The following DIP2C variants were observed in gnomAD, a reference collection of about 807,000 sequenced individuals.
DIP2C encodes the protein DIP2 acetate--CoA ligase C (putative).
In DIP2C, 33 loss-of-function variants were observed where a neutral mutation model predicts 192.4. The observed-to-expected ratio is 0.17, with a 90% CI of 0.13 to 0.23. The LOEUF is 0.23. Among genes scored for constraint, DIP2C ranks in the 10% least tolerant of loss-of-function variants. The pLI is 1.00. For synonymous variants in DIP2C, 979 were observed against 864.1 expected (o/e 1.13, Z -2.33); for missense variants, 1,537 against 2,110.1 (o/e 0.73, Z 5.32).
chr10:536,312 C>A (rs563094211), intron 1 of DIP2C, among the ~76,000 whole-genome samples: 1 of 152,380 alleles, frequency 6.6e-6, no homozygotes, highest in East Asian at 1.9e-4. Flanking sequence ...CACCCTATAT[C>A]CAGGATATCT....
intron 1 of DIP2C, among the ~76,000 whole-genome samples, chr10:653,164 G>T (rs1049208539): frequency 1.3e-5 from 2 of 152,094 alleles, no homozygotes; most frequent in African/African-American, 4.8e-5. Flanking sequence ...AAATGGTCAT[G>T]GCAGCCAGGC....
chr10:321,099 C>G (rs180988551), intron 31 of DIP2C, among the ~76,000 whole-genome samples: 3 of 152,160 alleles, frequency 2.0e-5, no homozygotes, highest in African/African-American at 7.2e-5. Context: ...GGTGGGAGGA[C>G]CAGAGTGCCA....
At chr10:451,287 CT>C (rs1224880727) in intron 3 of DIP2C, among the ~76,000 whole-genome samples, 6 of 141,140 alleles carry the variant, frequency 4.3e-5, no homozygotes, top group Non-Finnish European at 8.8e-5. Context: ...AAACCACCAC[CT>C]CAAACCTCAA....
chr10:382,442 C>T lies in DIP2C; in HGVS notation c.1991+205G>A, dbSNP rs530266345. ...GGAATTACCGTGAAACTGCAGAGAG[C>T]GATAAATGTTTTTTAATGAATGAAT... is the stretch of plus-strand genomic sequence containing the variant. On this transcript the variant is annotated intron_variant, in intron 17 of 36. Coordinates refer to ENST00000280886, the MANE Select transcript of DIP2C (RefSeq NM_014974.3). 2.7e-3 allele frequency: 1,380 copies of T among 503,928 alleles called. 10 individuals carry two copies. The highest frequency in any genetic ancestry group is 6.2e-3 in the South Asian group (219 of 35,330). The allele number at this position is 503,928 out of a possible 1,614,324, so 31.2% of individuals were successfully genotyped here.
At position 517,811 on chromosome 10, in the gene DIP2C, CAG is replaced by C. The variant is rs1266513776; in HGVS notation, c.86-31283_86-31282del. 2.0e-5 allele frequency among the ~76,000 whole-genome samples: 3 copies of C among 150,936 alleles called. No homozygotes were observed. The East Asian group carries it at 5.8e-4, about 29-fold the overall frequency. ...TATAAAAGGTCTCTTTATTAACAAC[CAG>C]TAGCCTTTCTCATCTGGTGCTTTTT... On this transcript the variant is annotated intron_variant, in intron 1 of 36. Transcript: ENST00000280886.
At chr10:504,245 G>A (rs956972125) in intron 1 of DIP2C, among the ~76,000 whole-genome samples, 2 of 152,300 alleles carry the variant, frequency 1.3e-5, no homozygotes, top group East Asian at 1.9e-4. Flanking sequence ...CAGTTCCAAC[G>A]CCCTGTGGAG....
At position 651,201 on chromosome 10, in the gene DIP2C, C is replaced by A; in HGVS notation, c.85+38293G>T. ...GACCACCGTCCTCCACGCATATCTA[C>A]AGACCCTGTCCTCACCTGCATCACA... is the stretch of plus-strand genomic sequence containing the variant. On this transcript the variant is annotated intron_variant, in intron 1 of 36. Coordinates refer to ENST00000280886, the MANE Select transcript of DIP2C (RefSeq NM_014974.3). The surrounding 1 kb of genome is among the most constrained non-coding windows in gnomAD (Gnocchi z 4.1). 1.4e-6 allele frequency: 1 copy of A among 717,412 alleles called. No individual in the cohort carries two copies. The highest frequency in any genetic ancestry group is 2.6e-6 in the Non-Finnish European group (1 of 385,122). 44.4% of individuals were successfully genotyped at this position (717,412 alleles called of 1,614,324 possible). A position where few individuals can be genotyped will look rare whatever the true frequency, so the allele number is the denominator to read the frequency against.
At chr10:505,464 C>G (rs113739482) in intron 1 of DIP2C, among the ~76,000 whole-genome samples, 5 of 152,212 alleles carry the variant, frequency 3.3e-5, no homozygotes, top group East Asian at 1.9e-4. Flanking sequence ...CTGAGGCTCT[C>G]GACTGATCCC....
chr10:660,248 C>T (rs999593592), intron 1 of DIP2C, among the ~76,000 whole-genome samples: 2 of 151,288 alleles, frequency 1.3e-5, no homozygotes, highest in African/African-American at 4.9e-5. Flanking sequence ...GTGTATGAAA[C>T]GGAGATTCTA....
chr10:487,441 G>C (rs527291944), intron 1 of DIP2C, among the ~76,000 whole-genome samples: 12 of 151,934 alleles, frequency 7.9e-5, no homozygotes, highest in Admixed American at 7.9e-4. Flanking sequence ...CTGCCTCCAC[G>C]GCTGCCTCCA....
At chr10:374,654 C>T in intron 17 of DIP2C, among the ~76,000 whole-genome samples, 1 of 152,216 alleles carries the variant, frequency 6.6e-6, no homozygotes, top group East Asian at 1.9e-4. Flanking sequence ...AAATGCTTCC[C>T]AATTTGTTCA....
intron 1 of DIP2C, among the ~76,000 whole-genome samples, chr10:645,880 C>T (rs1376433611): frequency 2.0e-5 from 3 of 152,190 alleles, no homozygotes; most frequent in African/African-American, 7.2e-5. Context: ...GACATAAACC[C>T]TGTCTCCCCC....
chr10:520,816 T>C (rs1846656063), intron 1 of DIP2C, among the ~76,000 whole-genome samples: 1 of 152,250 alleles, frequency 6.6e-6, no homozygotes, highest in Non-Finnish European at 1.5e-5. Context: ...ACACTAATTC[T>C]ACTTCCATGG....
At chr10:664,779 A>G (rs566061406) in intron 1 of DIP2C, 20 of 152,330 alleles carry the variant, frequency 1.3e-4, no homozygotes, top group Admixed American at 1.3e-3. Flanking sequence ...AACCAAATAT[A>G]TATCTACAAA....
At chr10:587,005 A>C (rs1851085215) in intron 1 of DIP2C, among the ~76,000 whole-genome samples, 1 of 141,132 alleles carries the variant, frequency 7.1e-6, no homozygotes, top group South Asian at 2.2e-4. Context: ...GCGAGGTGCA[A>C]ACAGTGCAGG....
At position 440,879 on chromosome 10, in the gene DIP2C, G is replaced by A; in HGVS notation, c.386C>T (p.Thr129Ile). 6.2e-7 allele frequency: 1 copy of A among 1,612,690 alleles called. No individual in the cohort carries two copies. Among genetic ancestry groups the A allele is most frequent in the Non-Finnish European group, 8.5e-7 (1 of 1,179,812 alleles). ...LVVQTSMDAY[T>I]PPDTSSGSED... ...GGGAGCGTGTCCCTTACCTGGAGGGGTGTAGGCGTCCATCGAGGTCTGCAC... is the reference window on the plus strand; with the variant it reads ...GGGAGCGTGTCCCTTACCTGGAGGGATGTAGGCGTCCATCGAGGTCTGCAC... The change falls in exon 4 of 37, where the codon ACC (threonine) becomes ATC (isoleucine). Residue 129 changes from threonine (T) to isoleucine (I), a missense_variant. Physicochemically the swap from Thr to Ile is moderately conservative, Grantham distance 89 (BLOSUM62 -1). Coordinates refer to ENST00000280886, the MANE Select transcript of DIP2C (RefSeq NM_014974.3).
intron 1 of DIP2C, among the ~76,000 whole-genome samples, chr10:581,450 G>A (rs528130905): frequency 1.3e-4 from 20 of 151,888 alleles, no homozygotes; most frequent in Admixed American, 1.3e-3. Context: ...AATCAAAAAT[G>A]TACTTAGAGG....
chr10:381,863 A>T (rs1227679268), intron 17 of DIP2C, among the ~76,000 whole-genome samples: 1 of 152,088 alleles, frequency 6.6e-6, no homozygotes, highest in Non-Finnish European at 1.5e-5. Context: ...CAAGAGCCCC[A>T]CACCACACCT....
intron 1 of DIP2C, among the ~76,000 whole-genome samples, chr10:498,906 G>A (rs185589488): frequency 1.3e-5 from 2 of 152,280 alleles, no homozygotes; most frequent in African/African-American, 4.8e-5. Context: ...CTGTGAATGT[G>A]GATTTTCTAT....
Sources: allele counts gnomAD v4.1 joint callset (sites outside exome capture counted in the v4.1 genomes callset), GRCh38; gene constraint gnomAD v4.1.1; non-coding constraint Gnocchi (gnomAD v3.1); transcripts MANE v1.5; gene names NCBI Gene and HGNC (gene_info 2026-07-23, HGNC 2026-07-21).